Variants in SORCS2 observed in about 807,000 individuals in gnomAD.
SORCS2 encodes the protein sortilin related VPS10 domain containing receptor 2.
Under a neutral mutation model 141.6 loss-of-function variants are expected in SORCS2, and 100 were observed. That is an observed-to-expected ratio of 0.71 (90% CI 0.60 to 0.83). The LOEUF is 0.83. Ranked by LOEUF, SORCS2 falls within the 40% of genes least tolerant of loss-of-function variation. The probability of loss-of-function intolerance (pLI) is 0.00; values close to 1 mark genes in which losing one functional copy is unlikely to be tolerated. For synonymous variants in SORCS2, 789 were observed against 676.9 expected (o/e 1.17, Z -2.57); for missense variants, 1,646 against 1,560.2 (o/e 1.05, Z -0.93).
intron 5 of SORCS2, among the ~76,000 whole-genome samples, chr4:7,659,579 T>C (rs1722022508): frequency 6.6e-6 from 1 of 152,216 alleles, no homozygotes; most frequent in South Asian, 2.1e-4. Flanking sequence ...TGCCCTGTCA[T>C]TGCTGCCTCT....
intron 1 of SORCS2, among the ~76,000 whole-genome samples, chr4:7,210,051 A>G (rs1485271795): frequency 6.6e-6 from 1 of 152,102 alleles, no homozygotes; most frequent in Admixed American, 6.5e-5. Context: ...CATGTCGGGG[A>G]GGCTATGAAG....
intron 22 of SORCS2, 85 bp from the exon 23 acceptor site, chr4:7,729,502 G>A: frequency 6.7e-7 from 1 of 1,495,312 alleles, no homozygotes; most frequent in Non-Finnish European, 9.0e-7. Flanking sequence ...GGCCAAGAAG[G>A]GAGAGAGGGT....
intron 11 of SORCS2, among the ~76,000 whole-genome samples, chr4:7,690,846 A>C (rs1724199298): frequency 6.6e-6 from 1 of 152,206 alleles, no homozygotes; most frequent in Non-Finnish European, 1.5e-5. Flanking sequence ...ACCCAAAATT[A>C]TAATTTTTGT....
chr4:7,288,619 AAG>A (rs377036685), intron 1 of SORCS2, among the ~76,000 whole-genome samples: 10 of 148,684 alleles, frequency 6.7e-5, no homozygotes, highest in Non-Finnish European at 1.0e-4. Flanking sequence ...GAGGGGAGAG[AAG>A]AGAGAGAGAG....
chr4:7,221,846 TCTGAGTG>T lies in SORCS2; in HGVS notation c.480+28721_480+28727del, dbSNP rs1293123854. Among the ~76,000 whole-genome samples, 974 of 152,358 alleles carry T rather than the reference TCTGAGTG, an allele frequency of 6.4e-3. 8 individuals carry two copies. Among genetic ancestry groups the T allele is most frequent in the African/African-American group, 0.022 (934 of 41,580 alleles). ...TTAAGCATATATTTAAGGAGTATTT[TCTGAGTG>T]TTTGGCCCTGTGGTAGGAGGCACTG... On this transcript the variant is annotated intron_variant, in intron 1 of 26. Coordinates refer to ENST00000507866, the MANE Select transcript of SORCS2 (RefSeq NM_020777.3).
chr4:7,494,024 C>T (rs1731462584), intron 2 of SORCS2, among the ~76,000 whole-genome samples: 1 of 140,222 alleles, frequency 7.1e-6, no homozygotes, highest in Non-Finnish European at 1.6e-5. Flanking sequence ...CACATTCACA[C>T]ACACACACAG....
intron 9 of SORCS2, among the ~76,000 whole-genome samples, chr4:7,681,697 T>C (rs1372658969): frequency 1.3e-5 from 2 of 152,186 alleles, no homozygotes; most frequent in Admixed American, 6.5e-5. Context: ...ATGGCTGCTG[T>C]TGTTCTCCCC....
chr4:7,267,279 G>T (rs1204313645), intron 1 of SORCS2, among the ~76,000 whole-genome samples: 1 of 152,152 alleles, frequency 6.6e-6, no homozygotes, highest in East Asian at 1.9e-4. Flanking sequence ...TAAATTCGTG[G>T]ATGCTGATTT....
intron 2 of SORCS2, among the ~76,000 whole-genome samples, chr4:7,439,166 G>A (rs1727493879): frequency 6.6e-6 from 1 of 150,460 alleles, no homozygotes; most frequent in Non-Finnish European, 1.5e-5. Context: ...AAAGAGGAAG[G>A]AAGGAAGGAA....
chr4:7,195,227 A>T (rs1437313224), intron 1 of SORCS2, among the ~76,000 whole-genome samples: 3 of 151,628 alleles, frequency 2.0e-5, no homozygotes, highest in African/African-American at 7.3e-5. Context: ...GTGGGGGCCA[A>T]TGTTGGCTTC....
At chr4:7,205,795 C>A (rs1370778039) in intron 1 of SORCS2, among the ~76,000 whole-genome samples, 1 of 152,214 alleles carries the variant, frequency 6.6e-6, no homozygotes, top group Non-Finnish European at 1.5e-5. Context: ...GGAATCCCAG[C>A]ACTTTGGGAG....
rs146888119 is a variant in SORCS2, at chr4:7,562,922, C to G, written c.648+31293C>G. Among the ~76,000 whole-genome samples the G allele has an allele frequency of 7.2e-3, 1,092 of 152,318 alleles. 24 individuals are homozygous for G. The highest frequency in any genetic ancestry group is 0.025 in the African/African-American group (1,032 of 41,574). On this transcript the variant is annotated intron_variant, in intron 3 of 26. Coordinates refer to ENST00000507866, the MANE Select transcript of SORCS2 (RefSeq NM_020777.3). ...TAGGGTCTAGCCTATTCCAGGATGA[C>G]CTTGTCTTCACTAATTATATCTGCA...
chr4:7,644,961 A>G (rs984255340), intron 4 of SORCS2, among the ~76,000 whole-genome samples: 1 of 152,216 alleles, frequency 6.6e-6, no homozygotes, highest in African/African-American at 2.4e-5. Context: ...CTATTTCTGC[A>G]GCAATTGATG....
At chr4:7,280,206 G>C (rs1715780057) in intron 1 of SORCS2, among the ~76,000 whole-genome samples, 1 of 152,058 alleles carries the variant, frequency 6.6e-6, no homozygotes, top group Non-Finnish European at 1.5e-5. Flanking sequence ...TTCATCCCGG[G>C]TACCCACAGA....
intron 1 of SORCS2, among the ~76,000 whole-genome samples, chr4:7,289,939 A>G (rs150085740): frequency 1.3e-5 from 2 of 152,290 alleles, no homozygotes; most frequent in Non-Finnish European, 2.9e-5. Context: ...CAGCCAGGGG[A>G]CAAGGACAAG....
chr4:7,392,738 A>AG (rs1374010050), intron 1 of SORCS2, among the ~76,000 whole-genome samples: 3 of 151,744 alleles, frequency 2.0e-5, no homozygotes, highest in Non-Finnish European at 4.4e-5. Flanking sequence ...GGCATCACAG[A>AG]GGGGGGAGGG....
At chr4:7,370,760 A>G (rs1246795560) in intron 1 of SORCS2, among the ~76,000 whole-genome samples, 2 of 152,078 alleles carry the variant, frequency 1.3e-5, no homozygotes, top group Non-Finnish European at 2.9e-5. Flanking sequence ...CTCTGGGTGG[A>G]GGGACTGGGC....
chr4:7,728,261 G>C (rs1727356993), intron 21 of SORCS2, 89 bp from the exon 22 acceptor site: 1 of 871,250 alleles, frequency 1.1e-6, no homozygotes, highest in Non-Finnish European at 1.8e-6. Flanking sequence ...GACCATCCAG[G>C]GCATGTGGCT....
chr4:7,406,243 T>C (rs964734178), intron 2 of SORCS2, among the ~76,000 whole-genome samples: 7 of 151,638 alleles, frequency 4.6e-5, no homozygotes, highest in Non-Finnish European at 1.0e-4. Context: ...AAACGCTGGC[T>C]TCATAGAATG....
Sources: allele counts gnomAD v4.1 joint callset (sites outside exome capture counted in the v4.1 genomes callset), GRCh38; gene constraint gnomAD v4.1.1; transcripts MANE v1.5; gene names NCBI Gene and HGNC (gene_info 2026-07-23, HGNC 2026-07-21).